Variants in TAF1C observed in about 807,000 individuals in gnomAD.
The protein encoded by TAF1C is TATA-box binding protein associated factor, RNA polymerase I subunit C, also known as TATA box-binding protein-associated factor RNA polymerase I subunit C.
A neutral mutation model predicts 70.5 loss-of-function variants in TAF1C; 79 were observed. That is an observed-to-expected ratio of 1.12 (90% confidence interval 0.93 to 1.35). TAF1C has a LOEUF of 1.35. Among genes scored for constraint, TAF1C ranks in the 40% most tolerant of loss-of-function variants. The pLI, the probability that TAF1C is intolerant of heterozygous loss-of-function variation, is 0.00. For missense variants in TAF1C, 1,412 were observed against 1,127.8 expected, an observed-to-expected ratio of 1.25 and a Z score of -3.61; for synonymous variants, 614 against 491.1, an observed-to-expected ratio of 1.25 and a Z score of -3.31.
intron 1 of TAF1C, among the ~76,000 whole-genome samples, chr16:84,186,133 G>T (rs2089473006): frequency 6.6e-6 from 1 of 152,260 alleles, no homozygotes; most frequent in Non-Finnish European, 1.5e-5. Context: ...AAGAACTTTA[G>T]TCCAACAGCT....
rs2088970489 is a variant in TAF1C, at chr16:84,179,469, CT to C, written c.2003del (p.Gln668ArgfsTer20). 6.3e-7 allele frequency: 1 copy of C among 1,597,712 alleles called. No homozygotes were observed. The highest frequency in any genetic ancestry group is 1.7e-5 in the Admixed American group (1 of 59,780). ...CCGCAGGGAGGGAGCCCAGGTCTCT[CT>C]GCAGCAGGAGCTGCCCTCGGGCCAT... ...KAMARGQLLLQRDLGSLPAAE... is the reference protein window; with the variant it reads ...KAMARGQLLLXRDLGSLPAAE... On this transcript the variant is annotated frameshift_variant, in exon 15 of 15. Transcript: ENST00000566732. LOFTEE classifies it low-confidence loss of function (END_TRUNC).
In TAF1C at chr16:84,181,805, C is replaced by T. The variant is rs374255562; in HGVS notation, c.897G>A (p.Trp299Ter). The change falls in exon 9 of 15, where the codon TGG becomes TGA. Residue 299 changes from tryptophan (W) to a stop codon, truncating the protein, a stop_gained. Coordinates refer to ENST00000566732, the MANE Select transcript of TAF1C (RefSeq NM_001243156.2). LOFTEE classifies it high-confidence loss of function. ...HCAVWKFGKQ[W>*]QPTLLQAMQV... is the part of the protein sequence containing the mutation. Reference sequence around the variant, plus strand: ...GCATTGCCTGCAGAAGGGTTGGCTGCCACTGTTTACCAAACTTCCACACGG... The same window carrying T: ...GCATTGCCTGCAGAAGGGTTGGCTGTCACTGTTTACCAAACTTCCACACGG... The T allele has an allele frequency of 6.2e-7, 1 of 1,614,148 alleles. No individual in the cohort carries two copies. The highest frequency in any genetic ancestry group is 8.5e-7 in the Non-Finnish European group (1 of 1,180,028).
rs1347556651 is a variant in TAF1C, at chr16:84,179,480, G to A, written c.1993C>T (p.Leu665Phe). Residue 665 changes from leucine to phenylalanine, a missense_variant, in exon 15 of 15, where the codon CTC (leucine) becomes TTC (phenylalanine). Transcript: ENST00000566732. ...VLRKAMARGQ[L>F]LLQRDLGSLP... is the part of the protein sequence containing the mutation. Reference sequence around the variant, plus strand: ...GAGCCCAGGTCTCTCTGCAGCAGGAGCTGCCCTCGGGCCATGGCCTTGCGG... The same window carrying A: ...GAGCCCAGGTCTCTCTGCAGCAGGAACTGCCCTCGGGCCATGGCCTTGCGG... The A allele has an allele frequency of 1.3e-6, 2 of 1,598,656 alleles. No homozygotes were observed. The highest frequency in any genetic ancestry group is 1.7e-6 in the Non-Finnish European group (2 of 1,175,870).
Position 84,181,678 on chromosome 16 carries a change from T to C in TAF1C, c.957-15A>G, listed in dbSNP as rs752492810. On this transcript the variant is annotated splice_polypyrimidine_tract_variant and intron_variant, in intron 9 of 14. Transcript: ENST00000566732. ...GCAGGTGAGGGCTACAGGGCAGGAA[T>C]GCATTCACATCGGGCTGCTCAGCCC... 3.1e-6 allele frequency: 5 copies of C among 1,613,766 alleles called. No homozygotes were observed. Among genetic ancestry groups the C allele is most frequent in the Middle Eastern group, 1.6e-4 (1 of 6,084 alleles).
chr16:84,178,481 A>T lies in TAF1C; in HGVS notation c.*460T>A, dbSNP rs1319704835. ...GGCAGAGATTGACAAAGCAACCCAC[A>T]ACAGCAGCTGCCAACGGCCGCTGTG... On this transcript the variant is annotated 3_prime_UTR_variant, in exon 15 of 15. Coordinates refer to ENST00000566732, the MANE Select transcript of TAF1C (RefSeq NM_001243156.2). 2.2e-6 allele frequency: 1 copy of T among 460,132 alleles called. No individual in the cohort carries two copies. The highest frequency in any genetic ancestry group is 4.3e-6 in the Non-Finnish European group (1 of 230,236). The allele number at this position is 460,132 out of a possible 1,614,324, so 28.5% of individuals were successfully genotyped here.
chr16:84,183,898 G>T, intron 2 of TAF1C, 120 bp from the exon 3 acceptor site: 1 of 705,118 alleles, frequency 1.4e-6, no homozygotes. Flanking sequence ...TGCGAAGCTG[G>T]GATGACTGGC....
rs766785155 is a variant in TAF1C at position 84,179,332 on chromosome 16, G to A, written c.2141C>T (p.Thr714Ile). 3.7e-6 allele frequency: 6 copies of A among 1,601,308 alleles called. No homozygotes were observed. The highest frequency in any genetic ancestry group is 4.2e-6 in the Non-Finnish European group (5 of 1,179,280). The part of the protein sequence containing the change: ...AAWWERQQGR[T>I]SEPGRQTRRP... ...CCTGGTCTGTCTCCCGGGCTCCGAG[G>A]TCCTGCCCTGCTGCCTCTCCCACCA... The change falls in exon 15 of 15, where the codon ACC (threonine) becomes ATC (isoleucine). Residue 714 changes from threonine to isoleucine, a missense_variant. Coordinates refer to ENST00000566732, the MANE Select transcript of TAF1C (RefSeq NM_001243156.2).
rs1214987053 is a variant in TAF1C at position 84,183,341 on chromosome 16, G to A, written c.319-8C>T. On this transcript the variant is annotated splice_region_variant and splice_polypyrimidine_tract_variant and intron_variant, in intron 4 of 14. Transcript: ENST00000566732. ...CAAGAGGAACCGGCTGATCTGGGGA[G>A]AAGAGGAGGCCAGGTCACTAAGCAC... The A allele has an allele frequency of 3.1e-6, 5 of 1,613,844 alleles. No homozygotes were observed. The highest frequency in any genetic ancestry group is 4.2e-6 in the Non-Finnish European group (5 of 1,180,042).
chr16:84,178,329 T>G lies in TAF1C; in HGVS notation c.*612A>C, dbSNP rs557120269. ...CTCTCTGCATGAGCTCAGTGTCAGGTAGTAGCTGTGGCGGGACGCTGTCCA... is the reference window on the plus strand; with the variant it reads ...CTCTCTGCATGAGCTCAGTGTCAGGGAGTAGCTGTGGCGGGACGCTGTCCA... On this transcript the variant is annotated 3_prime_UTR_variant, in exon 15 of 15. Coordinates refer to ENST00000566732, the MANE Select transcript of TAF1C (RefSeq NM_001243156.2). 17 of 456,884 alleles carry G rather than the reference T, an allele frequency of 3.7e-5. No individual in the cohort carries two copies. Among genetic ancestry groups the G allele is most frequent in the African/African-American group, 3.4e-4 (17 of 50,172 alleles). The allele number at this position is 456,884 out of a possible 1,614,324, so 28.3% of individuals were successfully genotyped here. A position where few individuals can be genotyped will look rare whatever the true frequency, so the allele number is the denominator to read the frequency against.
rs764711802 is a variant in TAF1C at position 84,180,244 on chromosome 16, G to A, written c.1409C>T (p.Pro470Leu). The change falls in exon 13 of 15, where the codon CCG becomes CTG. Residue 470 changes from proline to leucine, a missense_variant. Coordinates refer to ENST00000566732, the MANE Select transcript of TAF1C (RefSeq NM_001243156.2). Reference sequence around the variant, plus strand: ...GGGCTGCACGCAGCTGGGCCGGGGCGGAGGCAGCAGTCGGGCCAGCAGGAG... The same window carrying A: ...GGGCTGCACGCAGCTGGGCCGGGGCAGAGGCAGCAGTCGGGCCAGCAGGAG... Reference protein sequence around the residue: ...SPLLLARLLPPPRPSCVQPLL... With the variant: ...SPLLLARLLPLPRPSCVQPLL... The A allele has an allele frequency of 2.9e-5, 44 of 1,541,278 alleles. No homozygotes were observed. Among genetic ancestry groups the A allele is most frequent in the East Asian group, 4.8e-5 (2 of 41,312 alleles).
chr16:84,182,513 C>A lies in TAF1C; in HGVS notation c.483-73G>T. 1 of 1,360,834 alleles carries A rather than the reference C, an allele frequency of 7.3e-7. No individual in the cohort carries two copies. Among genetic ancestry groups the A allele is most frequent in the Non-Finnish European group, 1.0e-6 (1 of 999,448 alleles). The allele number at this position is 1,360,834 out of a possible 1,614,324, so 84.3% of individuals were successfully genotyped here. ...AGGACAGGTCCCATCCCAAGGAGGC[C>A]AAGTGCAGTGGACACATTTCTTATT... is the stretch of plus-strand genomic sequence containing the variant. On this transcript the variant is annotated intron_variant, in intron 6 of 14. Coordinates refer to ENST00000566732, the MANE Select transcript of TAF1C (RefSeq NM_001243156.2). The surrounding 1 kb of genome is among the most constrained non-coding windows in gnomAD (Gnocchi z 5.0).
chr16:84,181,270 C>A (rs991738943), intron 11 of TAF1C, 58 bp downstream of exon 11: 83 of 1,605,720 alleles, frequency 5.2e-5, no homozygotes, highest in Non-Finnish European at 6.3e-5. Flanking sequence ...CAGCCTGGGA[C>A]TCACCGCTCT....
Position 84,181,382 on chromosome 16 carries a change from G to C in TAF1C, c.1110C>G (p.His370Gln). 6.2e-7 allele frequency: 1 copy of C among 1,613,868 alleles called. No individual in the cohort carries two copies. Among genetic ancestry groups the C allele is most frequent in the Non-Finnish European group, 8.5e-7 (1 of 1,179,998 alleles). ...GGTCACCCACGGTCAGCACCCGAGG[G>C]TGCGCAGTGAAGTCTGCCCAACGCC... ...SSWRWADFTA[H>Q]PRVLTVGDRT... The change falls in exon 11 of 15, where the codon CAC becomes CAG. Residue 370 changes from histidine (H) to glutamine (Q), a missense_variant. Coordinates refer to ENST00000566732, the MANE Select transcript of TAF1C (RefSeq NM_001243156.2).
Position 84,182,281 on chromosome 16 carries a change from G to GCC in TAF1C, c.640_641dup (p.Leu216ArgfsTer33). ...TCCTTCCAGGAACCCAGGCCAGCGCGCCCCCAGTGCAGGCCTCATCCAGAA... is the reference window on the plus strand; with the variant it reads ...TCCTTCCAGGAACCCAGGCCAGCGCGCCCCCCCAGTGCAGGCCTCATCCAGAA... On this transcript the variant is annotated frameshift_variant, in exon 7 of 15. Transcript: ENST00000566732. LOFTEE classifies it high-confidence loss of function. The surrounding 1 kb of genome is among the most constrained non-coding windows in gnomAD (Gnocchi z 5.0). 1.2e-6 allele frequency: 2 copies of GCC among 1,612,966 alleles called. No homozygotes were observed. Among genetic ancestry groups the GCC allele is most frequent in the Non-Finnish European group, 1.7e-6 (2 of 1,179,964 alleles).
rs755372612 is a variant in TAF1C at position 84,184,946 on chromosome 16, C to T, written c.43G>A (p.Gly15Ser). The T allele has an allele frequency of 9.9e-6, 16 of 1,613,658 alleles. No individual in the cohort carries two copies. Among genetic ancestry groups the T allele is most frequent in the Middle Eastern group, 1.6e-4 (1 of 6,084 alleles). ...SSLRPALFLTGPLGLSDVPDL... is the reference protein window; with the variant it reads ...SSLRPALFLTSPLGLSDVPDL... ...GGGACGTCGCTCAGACCAAGGGGGC[C>T]GGTCAGAAACAATGCAGGGCGGAGG... is the stretch of plus-strand genomic sequence containing the variant. The change falls in exon 2 of 15, where the codon GGC becomes AGC. Residue 15 changes from glycine (G) to serine (S), a missense_variant. Transcript: ENST00000566732.
chr16:84,185,084 G>A (rs2089410876), intron 1 of TAF1C, 24 bp from the exon 2 acceptor site: 17 of 1,422,728 alleles, frequency 1.2e-5, no homozygotes, highest in East Asian at 7.3e-5. Flanking sequence ...AGTGCACTAC[G>A]GGAAGCATAT....
Position 84,179,613 on chromosome 16 carries a change from C to T in TAF1C, c.1860G>A (p.Val620=), listed in dbSNP as rs1370698570. The change falls in exon 15 of 15, where the codon GTG becomes GTA. Residue 620 remains valine (V), a synonymous_variant. Transcript: ENST00000566732. ...CSQWLKALLK[V]PLAPPVWTAP... ...CTGTCCACACAGGAGGAGCCAGGGG[C>T]ACTTTTAGCAGGGCCTTCAGCCACT... 1.9e-6 allele frequency: 3 copies of T among 1,612,728 alleles called. 1 individual carries two copies. The South Asian group carries it at 3.3e-5, about 18-fold the overall frequency.
intron 1 of TAF1C, chr16:84,185,292 G>A (rs2089421194): frequency 3.9e-6 from 1 of 256,608 alleles, no homozygotes; most frequent in East Asian, 9.1e-5. Flanking sequence ...TAGTGAAGGA[G>A]AGAACCATGT....
rs1407068679 is a variant in TAF1C at position 84,182,703 on chromosome 16, T to C, written c.483-263A>G. The stretch of plus-strand genomic sequence containing the variant: ...AAGCCAAGCCAACCAAAGTCCTTTC[T>C]GGGACTTCTGGTGCCGCAGGAAGGA... On this transcript the variant is annotated intron_variant, in intron 6 of 14. Coordinates refer to ENST00000566732, the MANE Select transcript of TAF1C (RefSeq NM_001243156.2). The surrounding 1 kb of genome is among the most constrained non-coding windows in gnomAD (Gnocchi z 5.0). Among the ~76,000 whole-genome samples the C allele has an allele frequency of 6.6e-6, 1 of 152,208 alleles. No homozygotes were observed. Among genetic ancestry groups the C allele is most frequent in the Admixed American group, 6.5e-5 (1 of 15,282 alleles).
Sources: gnomAD v4.1 joint callset for allele counts (sites outside exome capture counted in the v4.1 genomes callset) on GRCh38, gnomAD v4.1.1 for gene constraint, Gnocchi (gnomAD v3.1) non-coding constraint, MANE v1.5 for transcripts, NCBI Gene and HGNC (gene_info 2026-07-23, HGNC 2026-07-21) for gene names.